CAMK2D: variants seen among roughly 807,000 people sequenced by gnomAD.
The protein encoded by CAMK2D is calcium/calmodulin-dependent protein kinase type II subunit delta.
Under a neutral mutation model 84.0 loss-of-function variants are expected in CAMK2D, and 37 were observed. The ratio of observed to expected loss-of-function variants is 0.44; its 90% confidence interval spans 0.34 to 0.58. CAMK2D has a LOEUF of 0.58. CAMK2D is among the 20% of genes least tolerant of loss of function. The probability of loss-of-function intolerance (pLI) is 0.02; values close to 1 mark genes in which losing one functional copy is unlikely to be tolerated. For missense variants in CAMK2D, 448 were observed against 652.5 expected, an observed-to-expected ratio of 0.69 and a Z score of 3.41; for synonymous variants, 202 against 212.5, an observed-to-expected ratio of 0.95 and a Z score of 0.43.
At position 113,615,993 on chromosome 4, in the gene CAMK2D, A is replaced by G. The variant is rs1182759379; in HGVS notation, c.221-6787T>C. 9.2e-5 allele frequency among the ~76,000 whole-genome samples: 14 copies of G among 152,158 alleles called. 1 individual carries two copies. Among genetic ancestry groups the G allele is most frequent in the Admixed American group, 7.9e-4 (12 of 15,252 alleles). On this transcript the variant is annotated intron_variant, in intron 3 of 20. Coordinates refer to ENST00000511664, the MANE Select transcript of CAMK2D (RefSeq NM_001321571.2). ...AACTATTTAGCAATATGCCCCATTTATAAATGCCAAATAAGTAATTATTCA... is the reference window on the plus strand; with the variant it reads ...AACTATTTAGCAATATGCCCCATTTGTAAATGCCAAATAAGTAATTATTCA...
intron 3 of CAMK2D, among the ~76,000 whole-genome samples, chr4:113,645,433 T>C (rs1041000850): frequency 6.6e-6 from 1 of 152,214 alleles, no homozygotes. Context: ...GTGGCTGTTT[T>C]TGTGCTACAA....
chr4:113,659,555 G>A (rs1017688449), intron 3 of CAMK2D, among the ~76,000 whole-genome samples: 2 of 152,176 alleles, frequency 1.3e-5, no homozygotes, highest in African/African-American at 4.8e-5. Context: ...ACATTATACA[G>A]AGGGAAGACC....
intron 2 of CAMK2D, among the ~76,000 whole-genome samples, chr4:113,709,983 T>C (rs2099486970): frequency 6.6e-6 from 1 of 151,268 alleles, no homozygotes; most frequent in South Asian, 2.1e-4. Context: ...GATTCTGTTA[T>C]GAGAAACAAA....
At chr4:113,533,098 T>A (rs2098468925) in intron 7 of CAMK2D, among the ~76,000 whole-genome samples, 1 of 152,020 alleles carries the variant, frequency 6.6e-6, no homozygotes, top group South Asian at 2.1e-4. Flanking sequence ...CTCCTAAGCT[T>A]CCCTAAGATA....
At chr4:113,461,528 T>C (rs1250552284) in intron 17 of CAMK2D, among the ~76,000 whole-genome samples, 1 of 152,024 alleles carries the variant, frequency 6.6e-6, no homozygotes, top group African/African-American at 2.4e-5. Flanking sequence ...GGTTGCTTGA[T>C]ATGGAAAGCA....
At chr4:113,602,082 A>G (rs192216441) in intron 4 of CAMK2D, among the ~76,000 whole-genome samples, 13 of 151,844 alleles carry the variant, frequency 8.6e-5, no homozygotes, top group Admixed American at 7.9e-4. Flanking sequence ...GGATTACACT[A>G]TTTTAGTTCT....
chr4:113,533,030 T>G (rs1476652139), intron 7 of CAMK2D, among the ~76,000 whole-genome samples: 1 of 152,018 alleles, frequency 6.6e-6, no homozygotes, highest in East Asian at 1.9e-4. Flanking sequence ...ACTTTAATAA[T>G]GTATGATTTC....
rs776083824 is a variant in CAMK2D at position 113,509,709 on chromosome 4, T to C, written c.947-34A>G. 2.6e-6 allele frequency: 4 copies of C among 1,534,554 alleles called. No individual in the cohort carries two copies. In the East Asian group the frequency reaches 9.0e-5, roughly 34 times the overall value. Reference sequence around the variant, plus strand: ...TGAGAGTAAAATCAGTTTAGTGAGTTATCCATAGAAACCCACAGCCAGACA... The same window carrying C: ...TGAGAGTAAAATCAGTTTAGTGAGTCATCCATAGAAACCCACAGCCAGACA... On this transcript the variant is annotated intron_variant, in intron 12 of 20. Coordinates refer to ENST00000511664, the MANE Select transcript of CAMK2D (RefSeq NM_001321571.2).
At chr4:113,631,052 C>A (rs2099087539) in intron 3 of CAMK2D, among the ~76,000 whole-genome samples, 1 of 152,162 alleles carries the variant, frequency 6.6e-6, no homozygotes, top group African/African-American at 2.4e-5. Context: ...CAATTACAAT[C>A]CAGCCCCTCA....
At chr4:113,694,665 A>G (rs1459291892) in intron 2 of CAMK2D, among the ~76,000 whole-genome samples, 1 of 152,144 alleles carries the variant, frequency 6.6e-6, no homozygotes, top group Non-Finnish European at 1.5e-5. Context: ...TCTGTGCTTC[A>G]TCCCATCCAT....
chr4:113,469,939 G>A (rs1450528878), intron 16 of CAMK2D, among the ~76,000 whole-genome samples: 2 of 152,140 alleles, frequency 1.3e-5, no homozygotes, highest in African/African-American at 2.4e-5. Context: ...CTCTGTAACA[G>A]CCCTCTGATT....
intron 16 of CAMK2D, among the ~76,000 whole-genome samples, chr4:113,470,181 A>G (rs994298761): frequency 2.0e-5 from 3 of 151,998 alleles, no homozygotes; most frequent in African/African-American, 4.8e-5. Context: ...CTTTGACTTT[A>G]TCTTCTCCAA....
chr4:113,516,210 C>A (rs548319046), intron 9 of CAMK2D, among the ~76,000 whole-genome samples: 1 of 152,244 alleles, frequency 6.6e-6, no homozygotes, highest in African/African-American at 2.4e-5. Flanking sequence ...ACTCTAATAT[C>A]TGTAATTTTT....
At chr4:113,754,385 C>T (rs769333982) in intron 2 of CAMK2D, 46 of 979,790 alleles carry the variant, frequency 4.7e-5, no homozygotes, top group Non-Finnish European at 5.5e-5. Flanking sequence ...AAGTTAGATG[C>T]CCAAGAAAAG....
chr4:113,511,471 G>C (rs2098213892), intron 12 of CAMK2D, among the ~76,000 whole-genome samples: 1 of 152,102 alleles, frequency 6.6e-6, no homozygotes, highest in Non-Finnish European at 1.5e-5. Flanking sequence ...ATGCCCAAGA[G>C]TGTATTTAAC....
chr4:113,571,932 T>C (rs1010694660), intron 4 of CAMK2D, among the ~76,000 whole-genome samples: 1 of 152,208 alleles, frequency 6.6e-6, no homozygotes, highest in African/African-American at 2.4e-5. Context: ...ATAAATTCAA[T>C]TAACTCAAAC....
chr4:113,686,022 C>G (rs61267019), intron 2 of CAMK2D, among the ~76,000 whole-genome samples: 4,530 of 151,790 alleles, frequency 0.03, 220 homozygotes, highest in African/African-American at 0.1. Context: ...CGTGATCATG[C>G]CTTGCACTCC....
chr4:113,457,568 A>G lies in CAMK2D; in HGVS notation c.1307-5T>C. On this transcript the variant is annotated splice_polypyrimidine_tract_variant and splice_region_variant and intron_variant, in intron 18 of 20. Transcript: ENST00000511664. ...GTTTATTGCTTTTGGACAAAGCTGA[A>G]AGAGAAAAACATGAAAAGCAAAATT... is the stretch of plus-strand genomic sequence containing the variant. 1 of 1,609,344 alleles carries G rather than the reference A, an allele frequency of 6.2e-7. No homozygotes were observed. Among genetic ancestry groups the G allele is most frequent in the Non-Finnish European group, 8.5e-7 (1 of 1,176,978 alleles).
chr4:113,678,357 C>A (rs933988741), intron 2 of CAMK2D, among the ~76,000 whole-genome samples: 11 of 152,120 alleles, frequency 7.2e-5, no homozygotes, highest in African/African-American at 2.2e-4. Flanking sequence ...TCCCTAGGAT[C>A]CTTGCAAGAC....
Sources: allele counts gnomAD v4.1 joint callset (sites outside exome capture counted in the v4.1 genomes callset), GRCh38; gene constraint gnomAD v4.1.1; transcripts MANE v1.5; gene names NCBI Gene and HGNC (gene_info 2026-07-23, HGNC 2026-07-21).